CLDN16: variants seen among roughly 807,000 people sequenced by gnomAD.
The protein encoded by CLDN16 is claudin-16.
In CLDN16, 13 loss-of-function variants were observed where a neutral mutation model predicts 24.6. The ratio of observed to expected loss-of-function variants is 0.53; its 90% CI spans 0.34 to 0.84. CLDN16 has a LOEUF of 0.84. Among genes scored for constraint, CLDN16 ranks in the 40% least tolerant of loss-of-function variants. The pLI is 0.01. For synonymous variants in CLDN16, 116 were observed against 106.7 expected (o/e 1.09, Z -0.54); for missense variants, 298 against 292.7 (o/e 1.02, Z -0.13).
At chr3:190,397,820 A>C (rs906845553) in intron 1 of CLDN16, among the ~76,000 whole-genome samples, 1 of 152,208 alleles carries the variant, frequency 6.6e-6, no homozygotes, top group Admixed American at 6.5e-5. Flanking sequence ...GCTTTTCTAA[A>C]TATGGTCATT....
At chr3:190,380,738 T>C (rs1577417691) in intron 3 of CLDN16, among the ~76,000 whole-genome samples, 1 of 151,898 alleles carries the variant, frequency 6.6e-6, no homozygotes, top group African/African-American at 2.4e-5. Flanking sequence ...GATCGCGCCA[T>C]TGCACTCCAG....
At chr3:190,380,677 C>A (rs1256615204) in intron 3 of CLDN16, among the ~76,000 whole-genome samples, 1 of 152,048 alleles carries the variant, frequency 6.6e-6, no homozygotes, top group Middle Eastern at 3.4e-3. Context: ...ATGCATCTAA[C>A]AAAGGTTGAG....
Position 190,408,456 on chromosome 3 carries a change from T to A in CLDN16, c.525T>A (p.Gly175=), listed in dbSNP as rs1053422587. The A allele has an allele frequency of 3.1e-6, 5 of 1,614,130 alleles. No homozygotes were observed. Among genetic ancestry groups the A allele is most frequent in the Non-Finnish European group, 4.2e-6 (5 of 1,180,020 alleles). ...GGCTCGGAATGGCTGGGTCTCTGGG[T>A]TGCTTTTTGGCTGGAGCTGTTCTCA... ...SCWLGMAGSL[G]CFLAGAVLTC... is the part of the protein sequence containing the mutation. Residue 175 remains glycine (G), a synonymous_variant, in exon 4 of 5, where the codon GGT becomes GGA. Transcript: ENST00000264734.
the CLDN16 span, among the ~76,000 whole-genome samples, chr3:190,300,602 A>G: frequency 5.3e-5 from 8 of 152,366 alleles, 1 homozygote; most frequent in South Asian, 1.4e-3. Context: ...TGTGACCCAC[A>G]AAGTCTGAAA....
At chr3:190,330,366 A>T (rs1380961211) in intron 1 of CLDN16, among the ~76,000 whole-genome samples, 1 of 152,232 alleles carries the variant, frequency 6.6e-6, no homozygotes. Flanking sequence ...TCTGTGTGTC[A>T]TAATGAAGTT....
chr3:190,400,974 C>T lies in CLDN16; in HGVS notation c.115-1363C>T, dbSNP rs114472249. On this transcript the variant is annotated intron_variant, in intron 1 of 4. Transcript: ENST00000264734. Reference sequence around the variant, plus strand: ...CTTAACTTTCCTGTGCCCCAATTTCCTCATTTGTAAAATGGATGATAAATA... The same window carrying T: ...CTTAACTTTCCTGTGCCCCAATTTCTTCATTTGTAAAATGGATGATAAATA... Among the ~76,000 whole-genome samples, 385 of 152,270 alleles carry T rather than the reference C, an allele frequency of 2.5e-3. 3 individuals are homozygous for T. The highest frequency in any genetic ancestry group is 9.0e-3 in the African/African-American group (375 of 41,550).
At chr3:190,310,515 CAATT>C in the CLDN16 span, among the ~76,000 whole-genome samples, 54 of 152,164 alleles carry the variant, frequency 3.5e-4, no homozygotes, top group Admixed American at 1.8e-3. Context: ...TTTTTGGAAA[CAATT>C]AGGCAGGTGT....
At chr3:190,365,851 C>G (rs940746211) in intron 1 of CLDN16, among the ~76,000 whole-genome samples, 1 of 151,838 alleles carries the variant, frequency 6.6e-6, no homozygotes, top group Admixed American at 6.6e-5. Context: ...TGTGACTTAA[C>G]CCTGCTTGTT....
At chr3:190,317,130 T>C in the CLDN16 span, among the ~76,000 whole-genome samples, 1 of 152,208 alleles carries the variant, frequency 6.6e-6, no homozygotes, top group Non-Finnish European at 1.5e-5. Flanking sequence ...AGCCTTGCAA[T>C]ATTAACTTTG....
At chr3:190,333,546 C>A (rs1261095890) in intron 1 of CLDN16, among the ~76,000 whole-genome samples, 2 of 113,482 alleles carry the variant, frequency 1.8e-5, no homozygotes, top group Non-Finnish European at 3.8e-5. Context: ...ATCTATCTAT[C>A]TATCTATCTA....
chr3:190,370,724 A>G (rs1016917761), intron 1 of CLDN16, among the ~76,000 whole-genome samples: 2 of 151,928 alleles, frequency 1.3e-5, no homozygotes, highest in Non-Finnish European at 2.9e-5. Flanking sequence ...GGGTGCTGTT[A>G]AAGGAGATTA....
chr3:190,406,181 C>A (rs1719093288), intron 3 of CLDN16, among the ~76,000 whole-genome samples: 1 of 152,168 alleles, frequency 6.6e-6, no homozygotes, highest in Non-Finnish European at 1.5e-5. Context: ...GACTGCCTAA[C>A]CCTTTGTATG....
At chr3:190,390,187 T>C (rs964051195) in intron 1 of CLDN16, among the ~76,000 whole-genome samples, 2 of 152,252 alleles carry the variant, frequency 1.3e-5, no homozygotes, top group African/African-American at 4.8e-5. Context: ...CTTAGCTTCC[T>C]TCTTATTTCC....
chr3:190,354,633 A>AT (rs1275809988), intron 1 of CLDN16, among the ~76,000 whole-genome samples: 1 of 151,878 alleles, frequency 6.6e-6, no homozygotes, highest in Non-Finnish European at 1.5e-5. Context: ...ATTGGGCAAA[A>AT]TTTTGTTTTC....
rs1336510860 is a variant in CLDN16, at chr3:190,376,633, T to A, written n.306+2030T>A. 3.9e-5 allele frequency among the ~76,000 whole-genome samples: 6 copies of A among 152,110 alleles called. 1 individual carries two copies. The East Asian group carries it at 1.2e-3, about 30-fold the overall frequency. On this transcript the variant is annotated intron_variant and non_coding_transcript_variant, in intron 3 of 4. Coordinates refer to the CLDN16 transcript ENST00000468220. ...GAAACAATTTGAGTAAATAAGCTAA[T>A]GATTTGCAAACCGAATGTATTCGTT...
intron 1 of CLDN16, among the ~76,000 whole-genome samples, chr3:190,399,648 A>G (rs576806430): frequency 1.3e-5 from 2 of 152,326 alleles, no homozygotes; most frequent in Middle Eastern, 3.4e-3. Flanking sequence ...CATACCCATC[A>G]TCTCAAACAT....
intron 1 of CLDN16, among the ~76,000 whole-genome samples, chr3:190,352,365 A>C (rs1717687857): frequency 6.6e-6 from 1 of 152,148 alleles, no homozygotes; most frequent in Admixed American, 6.6e-5. Flanking sequence ...GCTCAGAAAC[A>C]GAATATGTGA....
At chr3:190,321,934 AGG>A (rs1195479094), upstream of CLDN16, 2 of 1,427,460 alleles carry the variant, frequency 1.4e-6, no homozygotes. Context: ...AGGGAGCTGC[AGG>A]GGGACTGGGG....
intron 3 of CLDN16, among the ~76,000 whole-genome samples, chr3:190,406,976 G>A (rs903845461): frequency 1.4e-4 from 22 of 152,046 alleles, no homozygotes; most frequent in African/African-American, 3.4e-4. Flanking sequence ...TCTTGACCTC[G>A]TGATCCGCCC....
Sources: gnomAD v4.1 joint callset for allele counts (sites outside exome capture counted in the v4.1 genomes callset) on GRCh38, gnomAD v4.1.1 for gene constraint, MANE v1.5 for transcripts, NCBI Gene and HGNC (gene_info 2026-07-23, HGNC 2026-07-21) for gene names.